L3MBTL4: variants seen among roughly 807,000 people sequenced by gnomAD.
The protein encoded by L3MBTL4 is L3MBTL histone methyl-lysine binding protein 4, also known as lethal(3)malignant brain tumor-like protein 4.
In L3MBTL4, 70 loss-of-function variants were observed where a neutral mutation model predicts 84.5. That is an observed-to-expected ratio of 0.83 (90% CI 0.68 to 1.01). The LOEUF (loss-of-function observed/expected upper bound fraction) is 1.01, where lower values mean the gene tolerates loss of function less well. Among genes scored for constraint, L3MBTL4 ranks in the 50% least tolerant of loss-of-function variants. The probability of loss-of-function intolerance (pLI) is 0.00; values close to 1 mark genes in which losing one functional copy is unlikely to be tolerated. For missense variants in L3MBTL4, 715 were observed against 754.8 expected (o/e 0.95, Z 0.62); for synonymous variants, 274 against 259.8 (o/e 1.05, Z -0.52).
chr18:6,250,485 C>T (rs759312939), intron 5 of L3MBTL4, among the ~76,000 whole-genome samples: 3 of 152,168 alleles, frequency 2.0e-5, no homozygotes, highest in Non-Finnish European at 4.4e-5. Context: ...TCAGTGCTGG[C>T]AGAGCATCAG....
chr18:6,096,113 A>G (rs2058636216), intron 14 of L3MBTL4, among the ~76,000 whole-genome samples: 1 of 151,804 alleles, frequency 6.6e-6, no homozygotes, highest in Non-Finnish European at 1.5e-5. Flanking sequence ...TATGTGGTTC[A>G]TGCTACATGG....
chr18:6,095,731 G>T (rs2058620276), intron 14 of L3MBTL4, among the ~76,000 whole-genome samples: 1 of 152,144 alleles, frequency 6.6e-6, no homozygotes, highest in Non-Finnish European at 1.5e-5. Flanking sequence ...AGACCCAGAG[G>T]CAAGTATTTA....
chr18:6,138,882 A>G (rs894128352), intron 13 of L3MBTL4, among the ~76,000 whole-genome samples: 1 of 152,194 alleles, frequency 6.6e-6, no homozygotes, highest in African/African-American at 2.4e-5. Flanking sequence ...TTTCTTTCAG[A>G]GATTAATAAT....
At chr18:6,029,797 CA>C (rs1173533317) in intron 16 of L3MBTL4, 11 of 985,264 alleles carry the variant, frequency 1.1e-5, no homozygotes, top group Non-Finnish European at 1.3e-5. Context: ...TATTAAAGTT[CA>C]TTTGGAAAAA....
intron 13 of L3MBTL4, among the ~76,000 whole-genome samples, chr18:6,153,767 A>G (rs1481090793): frequency 1.3e-5 from 2 of 151,992 alleles, no homozygotes; most frequent in African/African-American, 4.8e-5. Flanking sequence ...TGGTTTTATA[A>G]ATGACAGTTT....
At chr18:6,216,706 A>G (rs1568330121) in intron 10 of L3MBTL4, among the ~76,000 whole-genome samples, 1 of 152,196 alleles carries the variant, frequency 6.6e-6, no homozygotes, top group African/African-American at 2.4e-5. Context: ...TTTTAAAAAT[A>G]TGTATTCTTC....
intron 14 of L3MBTL4, among the ~76,000 whole-genome samples, chr18:6,099,668 G>A (rs1484094566): frequency 7.1e-6 from 1 of 139,896 alleles, no homozygotes; most frequent in Non-Finnish European, 1.6e-5. Context: ...TCCTGTGGCT[G>A]TAAAATCAGT....
intron 14 of L3MBTL4, among the ~76,000 whole-genome samples, chr18:6,094,283 C>T (rs1243726227): frequency 6.6e-6 from 1 of 152,150 alleles, no homozygotes; most frequent in Non-Finnish European, 1.5e-5. Context: ...AAAACTCTGC[C>T]GCTGCTAGAA....
At chr18:5,977,749 G>C (rs1300696164) in intron 16 of L3MBTL4, among the ~76,000 whole-genome samples, 1 of 152,180 alleles carries the variant, frequency 6.6e-6, no homozygotes, top group Non-Finnish European at 1.5e-5. Flanking sequence ...TCTAGACCCA[G>C]AGGTTTGGGG....
chr18:6,290,671 G>T (rs1024594809), intron 4 of L3MBTL4, among the ~76,000 whole-genome samples: 2 of 151,992 alleles, frequency 1.3e-5, no homozygotes, highest in Admixed American at 1.3e-4. Flanking sequence ...GGGACTACAG[G>T]CATACACCAC....
intron 16 of L3MBTL4, among the ~76,000 whole-genome samples, chr18:6,015,710 G>A (rs538804238): frequency 2.6e-5 from 4 of 152,290 alleles, no homozygotes; most frequent in African/African-American, 7.2e-5. Flanking sequence ...TGTAACCCCA[G>A]CACTTTGGGA....
intron 16 of L3MBTL4, chr18:6,030,151 A>C (rs1464727180): frequency 1.2e-6 from 1 of 810,070 alleles, no homozygotes. Context: ...ACACACATAT[A>C]TTTAAATAAA....
At chr18:6,178,268 A>G (rs1195118917) in intron 12 of L3MBTL4, among the ~76,000 whole-genome samples, 1 of 152,174 alleles carries the variant, frequency 6.6e-6, no homozygotes, top group East Asian at 1.9e-4. Context: ...TCCCAATCCA[A>G]TGATGTGATT....
intron 16 of L3MBTL4, among the ~76,000 whole-genome samples, chr18:6,078,989 G>C (rs2057973319): frequency 6.6e-6 from 1 of 152,140 alleles, no homozygotes; most frequent in African/African-American, 2.4e-5. Context: ...CTCCTATGAG[G>C]ATCTAATGCT....
At chr18:6,017,399 A>C (rs1483762950) in intron 16 of L3MBTL4, among the ~76,000 whole-genome samples, 3 of 152,240 alleles carry the variant, frequency 2.0e-5, no homozygotes, top group Admixed American at 6.5e-5. Context: ...TGAGTCACAG[A>C]GCAGCAGCTG....
intron 1 of L3MBTL4, among the ~76,000 whole-genome samples, chr18:6,400,847 C>T (rs752380576): frequency 1.3e-5 from 2 of 152,176 alleles, no homozygotes; most frequent in South Asian, 4.1e-4. Context: ...CAGAGAGAGA[C>T]AAGCCACCTG....
At chr18:6,395,695 A>G in intron 1 of L3MBTL4, 1 of 152,214 alleles carries the variant, frequency 6.6e-6, no homozygotes, top group Non-Finnish European at 1.5e-5. Flanking sequence ...ACAATTAAAC[A>G]CTGCAAAAAT....
At chr18:5,959,646 C>T (rs1398096372) in intron 18 of L3MBTL4, among the ~76,000 whole-genome samples, 1 of 152,158 alleles carries the variant, frequency 6.6e-6, no homozygotes. Flanking sequence ...GACAAATCCC[C>T]AATCTTTCCC....
At chr18:6,255,222 T>C (rs1055781400) in intron 5 of L3MBTL4, among the ~76,000 whole-genome samples, 4 of 152,236 alleles carry the variant, frequency 2.6e-5, no homozygotes, top group African/African-American at 9.6e-5. Flanking sequence ...TTTTCCTCTT[T>C]AATTCCTCCT....
Sources: allele counts gnomAD v4.1 joint callset (sites outside exome capture counted in the v4.1 genomes callset), GRCh38; gene constraint gnomAD v4.1.1; transcripts MANE v1.5; gene names NCBI Gene and HGNC (gene_info 2026-07-23, HGNC 2026-07-21).